TACR1: variants seen among roughly 807,000 people sequenced by gnomAD.
TACR1 encodes tachykinin receptor 1, also known as substance-P receptor.
In TACR1, 25 loss-of-function variants were observed where a neutral mutation model predicts 35.8. The observed-to-expected ratio is 0.70, with a 90% CI of 0.51 to 0.98. The LOEUF (loss-of-function observed/expected upper bound fraction) is 0.98. TACR1 is among the 50% of genes least tolerant of loss of function. The pLI is 0.00. For synonymous variants in TACR1, 195 were observed against 206.7 expected, an observed-to-expected ratio of 0.94 and a Z score of 0.48; for missense variants, 478 against 522.9, an observed-to-expected ratio of 0.91 and a Z score of 0.84.
In TACR1 at chr2:75,051,445, C is replaced by G; in HGVS notation, c.738G>C (p.Val246=). ...YHEQVSAKRK[V]VKMMIVVVCT... is the part of the protein sequence containing the mutation. ...ACACCACGACAATCATCATTTTGAC[C>G]ACCTGGCAAGAGGGTGAGACAGGTG... The change falls in exon 4 of 5, where the codon GTG becomes GTC. Residue 246 remains valine, a splice_region_variant and synonymous_variant. Transcript: ENST00000305249. 6.2e-7 allele frequency: 1 copy of G among 1,613,816 alleles called. No homozygotes were observed. Among genetic ancestry groups the G allele is most frequent in the Non-Finnish European group, 8.5e-7 (1 of 1,179,870 alleles).
intron 1 of TACR1, among the ~76,000 whole-genome samples, chr2:75,190,282 G>A (rs1675810304): frequency 6.6e-6 from 1 of 152,216 alleles, no homozygotes; most frequent in East Asian, 1.9e-4. Context: ...TGAATGCTTA[G>A]GGGATGGTGT....
chr2:75,162,786 T>C (rs1284624139), intron 1 of TACR1, among the ~76,000 whole-genome samples: 1 of 152,234 alleles, frequency 6.6e-6, no homozygotes, highest in Non-Finnish European at 1.5e-5. Flanking sequence ...TACCATTTCA[T>C]TGAAAGATAG....
At chr2:75,105,327 A>G (rs1048756129) in intron 2 of TACR1, among the ~76,000 whole-genome samples, 2 of 151,928 alleles carry the variant, frequency 1.3e-5, no homozygotes, top group African/African-American at 4.8e-5. Flanking sequence ...GGACTCTAAA[A>G]CAGTTGAACT....
intron 1 of TACR1, among the ~76,000 whole-genome samples, chr2:75,164,859 C>G (rs1237409878): frequency 6.6e-6 from 1 of 152,182 alleles, no homozygotes; most frequent in Non-Finnish European, 1.5e-5. Context: ...GTCCCAAGTT[C>G]CATTAACACT....
chr2:75,050,220 A>G (rs79163737), intron 4 of TACR1, among the ~76,000 whole-genome samples: 1 of 152,306 alleles, frequency 6.6e-6, no homozygotes, highest in Non-Finnish European at 1.5e-5. Flanking sequence ...AGGAAGAATT[A>G]ACCTTTACTT....
At chr2:75,181,385 A>G (rs553066844) in intron 1 of TACR1, among the ~76,000 whole-genome samples, 165 of 151,422 alleles carry the variant, frequency 1.1e-3, no homozygotes, top group Non-Finnish European at 1.5e-3. Context: ...CATTAAGGGG[A>G]AAAAAAAATG....
rs918808776 is a variant in TACR1, at chr2:75,049,155, A to G, written c.*277T>C. On this transcript the variant is annotated 3_prime_UTR_variant, in exon 5 of 5. Coordinates refer to ENST00000305249, the MANE Select transcript of TACR1 (RefSeq NM_001058.4). ...CCAAAGTCACTTCCAGAATGGAATG[A>G]ATGGGCTTTTGGGAAAAGCTGGTCC... 1 of 430,312 alleles carries G rather than the reference A, an allele frequency of 2.3e-6. No homozygotes were observed. Among genetic ancestry groups the G allele is most frequent in the Non-Finnish European group, 4.1e-6 (1 of 240,994 alleles). 26.7% of individuals were successfully genotyped at this position (430,312 alleles called of 1,614,324 possible). A position where few individuals can be genotyped will look rare whatever the true frequency, so the allele number is the denominator to read the frequency against.
intron 2 of TACR1, among the ~76,000 whole-genome samples, chr2:75,108,646 A>G (rs1007124890): frequency 6.6e-6 from 1 of 152,186 alleles, no homozygotes; most frequent in Non-Finnish European, 1.5e-5. Context: ...ACAATACAAC[A>G]TGAAGCAGAA....
In TACR1 at chr2:75,125,673, T is replaced by C. The variant is rs182010332; in HGVS notation, c.390-4905A>G. Among the ~76,000 whole-genome samples, 72 of 152,296 alleles carry C rather than the reference T, an allele frequency of 4.7e-4. No homozygotes were observed. The East Asian group carries it at 0.012, about 26-fold the overall frequency. ...AAGTGTAAAAGGAGAAAAACATACA[T>C]GTTATACCTTTATTCCTCCCAGTCT... On this transcript the variant is annotated intron_variant, in intron 1 of 4. Transcript: ENST00000305249.
intron 1 of TACR1, among the ~76,000 whole-genome samples, chr2:75,196,774 C>G (rs1232407764): frequency 1.3e-5 from 2 of 152,276 alleles, no homozygotes; most frequent in East Asian, 3.9e-4. Flanking sequence ...TGCTCCAGCT[C>G]ACACTGACTG....
chr2:75,102,340 G>C (rs1053046707), intron 2 of TACR1, among the ~76,000 whole-genome samples: 6 of 152,190 alleles, frequency 3.9e-5, no homozygotes, highest in African/African-American at 1.4e-4. Flanking sequence ...TAAATGGACA[G>C]TTGTTACTTT....
intron 2 of TACR1, among the ~76,000 whole-genome samples, chr2:75,115,083 ACGTGTGTG>A (rs1673823579): frequency 1.3e-5 from 1 of 79,638 alleles, no homozygotes; most frequent in South Asian, 3.5e-4. Flanking sequence ...TTGTTAACAT[ACGTGTGTG>A]TGTGTGTGTG....
chr2:75,156,347 G>C (rs1019397179), intron 1 of TACR1: 5 of 151,916 alleles, frequency 3.3e-5, no homozygotes, highest in African/African-American at 1.2e-4. Context: ...CGGGCGCGGT[G>C]GCTCATGCCT....
chr2:75,051,870 A>G (rs1210528562), intron 3 of TACR1, among the ~76,000 whole-genome samples: 1 of 152,146 alleles, frequency 6.6e-6, no homozygotes, highest in Non-Finnish European at 1.5e-5. Context: ...TTAATGAGCA[A>G]AGGTGAAAGG....
chr2:75,119,980 C>T (rs1280274999), intron 2 of TACR1, among the ~76,000 whole-genome samples: 2 of 152,224 alleles, frequency 1.3e-5, no homozygotes, highest in Non-Finnish European at 2.9e-5. Context: ...AAAGCTCGGA[C>T]GTGATGTAAA....
chr2:75,102,454 A>AT (rs371198362), intron 2 of TACR1, among the ~76,000 whole-genome samples: 7 of 151,004 alleles, frequency 4.6e-5, no homozygotes, highest in East Asian at 1.9e-4. Context: ...AATAGAGTAA[A>AT]TTTTTTTTTT....
At chr2:75,157,449 A>G (rs147031506) in intron 1 of TACR1, among the ~76,000 whole-genome samples, 8 of 152,308 alleles carry the variant, frequency 5.3e-5, no homozygotes, top group South Asian at 2.1e-4. Context: ...GATTTGACAT[A>G]GGAAAATCAG....
chr2:75,075,763 G>A (rs1321386365), intron 2 of TACR1, among the ~76,000 whole-genome samples: 1 of 152,172 alleles, frequency 6.6e-6, no homozygotes, highest in African/African-American at 2.4e-5. Flanking sequence ...TATGTGAAAT[G>A]TAAAGACTCA....
chr2:75,073,983 C>T (rs1278254318), intron 2 of TACR1, among the ~76,000 whole-genome samples: 1 of 152,200 alleles, frequency 6.6e-6, no homozygotes, highest in East Asian at 1.9e-4. Flanking sequence ...GTGGTACCTA[C>T]CCCTCTCATT....
Sources: allele counts gnomAD v4.1 joint callset (sites outside exome capture counted in the v4.1 genomes callset), GRCh38; gene constraint gnomAD v4.1.1; transcripts MANE v1.5; gene names NCBI Gene and HGNC (gene_info 2026-07-23, HGNC 2026-07-21).